C12orf42: variants seen among roughly 807,000 people sequenced by gnomAD.
The protein encoded by C12orf42 is uncharacterized protein C12orf42.
In C12orf42, 25 loss-of-function variants were observed where a neutral mutation model predicts 21.6. The ratio of observed to expected loss-of-function variants is 1.16; its 90% CI spans 0.84 to 1.62. The LOEUF (loss-of-function observed/expected upper bound fraction) is 1.62, where lower values mean the gene tolerates loss of function less well. Ranked by LOEUF, C12orf42 falls within the 40% of genes most tolerant of loss-of-function variation. C12orf42 has a pLI of 0.00. For synonymous variants in C12orf42, 174 were observed against 175.0 expected, an observed-to-expected ratio of 0.99 and a Z score of 0.05; for missense variants, 483 against 459.3, an observed-to-expected ratio of 1.05 and a Z score of -0.47.
the C12orf42 span, among the ~76,000 whole-genome samples, chr12:103,060,163 CA>C: frequency 6.6e-6 from 1 of 152,124 alleles, no homozygotes; most frequent in African/African-American, 2.4e-5. Flanking sequence ...GTGCAAAAAT[CA>C]CAAGCATTCC....
the C12orf42 span, among the ~76,000 whole-genome samples, chr12:103,076,329 C>T: frequency 2.7e-5 from 4 of 149,674 alleles, no homozygotes; most frequent in South Asian, 2.1e-4. Flanking sequence ...TGTGTCAGAA[C>T]GTTCTAGGAC....
intron 2 of C12orf42, among the ~76,000 whole-genome samples, chr12:103,466,570 ACTCT>A (rs34012304): frequency 3.3e-4 from 49 of 150,366 alleles, no homozygotes; most frequent in Non-Finnish European, 5.3e-4. Flanking sequence ...TCTCTCCCTG[ACTCT>A]CTCTCTCTCT....
At chr12:103,559,212 G>T in the C12orf42 span, 1 of 151,218 alleles carries the variant, frequency 6.6e-6, no homozygotes, top group East Asian at 1.9e-4. Context: ...CATCAATCCT[G>T]CAGGTACTAC....
chr12:103,109,315 A>ATG, the C12orf42 span, among the ~76,000 whole-genome samples: 19 of 151,774 alleles, frequency 1.3e-4, 1 homozygote, highest in Admixed American at 2.0e-4. Flanking sequence ...GAGAGACAGA[A>ATG]TGTGTGTGTG....
At chr12:103,108,169 T>A in the C12orf42 span, among the ~76,000 whole-genome samples, 2 of 151,528 alleles carry the variant, frequency 1.3e-5, no homozygotes, top group African/African-American at 4.8e-5. Context: ...AAATTTAATC[T>A]ATATCCAAAA....
chr12:103,438,836 G>A (rs1950958899), intron 2 of C12orf42, among the ~76,000 whole-genome samples: 1 of 150,850 alleles, frequency 6.6e-6, no homozygotes, highest in Non-Finnish European at 1.5e-5. Context: ...TACCACCCAA[G>A]GTAATTTACA....
chr12:103,490,613 G>A (rs1161708674), intron 1 of C12orf42, among the ~76,000 whole-genome samples: 3 of 151,650 alleles, frequency 2.0e-5, no homozygotes, highest in African/African-American at 7.3e-5. Context: ...TAATTTTCTA[G>A]AATTTTTAGA....
chr12:103,357,425 C>A (rs1437755021), intron 4 of C12orf42, among the ~76,000 whole-genome samples: 1 of 151,990 alleles, frequency 6.6e-6, no homozygotes, highest in Non-Finnish European at 1.5e-5. Flanking sequence ...CTAATCCCTA[C>A]TTGTTATTTT....
chr12:103,307,113 T>C (rs1224099866), intron 4 of C12orf42, among the ~76,000 whole-genome samples: 2 of 152,186 alleles, frequency 1.3e-5, no homozygotes, highest in Non-Finnish European at 2.9e-5. Flanking sequence ...TACATTTCTG[T>C]TTTTTTAAGT....
At chr12:103,324,993 T>G (rs540070153) in intron 4 of C12orf42, among the ~76,000 whole-genome samples, 1 of 152,294 alleles carries the variant, frequency 6.6e-6, no homozygotes, top group South Asian at 2.1e-4. Context: ...AACCGAAAAT[T>G]AACAAAAATG....
the C12orf42 span, among the ~76,000 whole-genome samples, chr12:103,089,947 T>G: frequency 6.6e-6 from 1 of 152,166 alleles, no homozygotes; most frequent in Non-Finnish European, 1.5e-5. Flanking sequence ...GAAAAGATTT[T>G]AAAGTGAGCA....
intron 2 of C12orf42, among the ~76,000 whole-genome samples, chr12:103,449,983 T>C (rs1951835625): frequency 6.6e-6 from 1 of 151,952 alleles, no homozygotes; most frequent in Admixed American, 6.6e-5. Context: ...ATAAAAGTTA[T>C]ATCTTTTAAT....
intron 2 of C12orf42, among the ~76,000 whole-genome samples, chr12:103,411,568 G>A (rs151295074): frequency 2.0e-3 from 311 of 152,290 alleles, no homozygotes; most frequent in African/African-American, 7.0e-3. Context: ...AAGTGACTAG[G>A]TCATCAGGGT....
the C12orf42 span, among the ~76,000 whole-genome samples, chr12:103,131,316 T>C: frequency 2.6e-4 from 40 of 152,218 alleles, no homozygotes; most frequent in Non-Finnish European, 5.3e-4. Context: ...TAAAACCTGA[T>C]GCAAAAATGT....
rs551548187 is a variant in C12orf42 at position 103,376,334 on chromosome 12, C to T, written c.148-7336G>A. The stretch of plus-strand genomic sequence containing the variant: ...AAACCAAACACCGCATGTTCTCACT[C>T]ATAAGAGTGGGAGTTGAACAATGAA... On this transcript the variant is annotated intron_variant, in intron 3 of 5. Coordinates refer to ENST00000548883, the MANE Select transcript of C12orf42 (RefSeq NM_198521.5). Among the ~76,000 whole-genome samples the T allele has an allele frequency of 5.3e-5, 8 of 151,982 alleles. No individual in the cohort carries two copies. In the South Asian group the frequency reaches 6.2e-4, roughly 12 times the overall value.
At chr12:103,191,709 C>T in the C12orf42 span, among the ~76,000 whole-genome samples, 163 of 144,918 alleles carry the variant, frequency 1.1e-3, no homozygotes, top group Non-Finnish European at 1.9e-3. Flanking sequence ...CACCACTGTA[C>T]CCCAGCTTGT....
At chr12:103,079,542 T>C in the C12orf42 span, among the ~76,000 whole-genome samples, 3 of 152,238 alleles carry the variant, frequency 2.0e-5, no homozygotes, top group African/African-American at 7.2e-5. Context: ...TGCTGTGGTA[T>C]GCATTTGTCA....
chr12:103,272,555 G>A (rs2035536005), intron 5 of C12orf42, among the ~76,000 whole-genome samples: 1 of 151,988 alleles, frequency 6.6e-6, no homozygotes. Context: ...CATTTAATAC[G>A]TTTTCAAGAA....
At chr12:103,379,184 T>C (rs2045952293) in intron 3 of C12orf42, among the ~76,000 whole-genome samples, 1 of 152,210 alleles carries the variant, frequency 6.6e-6, no homozygotes, top group African/African-American at 2.4e-5. Flanking sequence ...AGCACAAAGT[T>C]ACTATCTCCA....
Sources: allele counts gnomAD v4.1 joint callset (sites outside exome capture counted in the v4.1 genomes callset), GRCh38; gene constraint gnomAD v4.1.1; transcripts MANE v1.5; gene names NCBI Gene and HGNC (gene_info 2026-07-23, HGNC 2026-07-21).